STXBP5L: variants seen among roughly 807,000 people sequenced by gnomAD.
STXBP5L encodes the protein syntaxin-binding protein 5-like.
In STXBP5L, 65 loss-of-function variants were observed where a neutral mutation model predicts 144.5. The observed-to-expected ratio is 0.45, with a 90% CI of 0.37 to 0.55. The LOEUF (loss-of-function observed/expected upper bound fraction) is 0.55, where lower values mean the gene tolerates loss of function less well. STXBP5L is among the 20% of genes least tolerant of loss of function. STXBP5L has a pLI of 0.00. For missense variants in STXBP5L, 1,298 were observed against 1,405.5 expected, an observed-to-expected ratio of 0.92 and a Z score of 1.22; for synonymous variants, 505 against 469.6, an observed-to-expected ratio of 1.08 and a Z score of -0.97.
At chr3:121,388,502 C>T (rs1413040104) in intron 22 of STXBP5L, among the ~76,000 whole-genome samples, 1 of 152,080 alleles carries the variant, frequency 6.6e-6, no homozygotes, top group East Asian at 1.9e-4. Context: ...CAGTTTTTGC[C>T]CAGTCAGCAT....
rs546940080 is a variant in STXBP5L, at chr3:121,004,030, C to T, written c.288-37670C>T. On this transcript the variant is annotated intron_variant, in intron 3 of 26. Coordinates refer to ENST00000471454, the MANE Select transcript of STXBP5L (RefSeq NM_001308330.2). Reference sequence around the variant, plus strand: ...TTGGCTTAGGATTGACTTGGCAATGCAGGCTCTTTTTTGGTTCCATATGAA... The same window carrying T: ...TTGGCTTAGGATTGACTTGGCAATGTAGGCTCTTTTTTGGTTCCATATGAA... 2.8e-4 allele frequency among the ~76,000 whole-genome samples: 42 copies of T among 152,106 alleles called. No individual in the cohort carries two copies. The East Asian group carries it at 6.8e-3, about 25-fold the overall frequency.
At chr3:121,412,386 C>A (rs1002508365) in intron 23 of STXBP5L, among the ~76,000 whole-genome samples, 1 of 152,168 alleles carries the variant, frequency 6.6e-6, no homozygotes, top group East Asian at 1.9e-4. Flanking sequence ...AATAATTGAC[C>A]TCTAGGCACC....
At chr3:121,262,033 CAGA>C (rs1269238912) in intron 18 of STXBP5L, among the ~76,000 whole-genome samples, 1 of 152,154 alleles carries the variant, frequency 6.6e-6, no homozygotes, top group Non-Finnish European at 1.5e-5. Context: ...TTGCGCTTGG[CAGA>C]AGGAGTGAAC....
At chr3:121,282,195 C>T in intron 19 of STXBP5L, 3 of 1,454,218 alleles carry the variant, frequency 2.1e-6, no homozygotes, top group Non-Finnish European at 2.9e-6. Flanking sequence ...ATATCACTTC[C>T]TTTCACTTTA....
intron 5 of STXBP5L, among the ~76,000 whole-genome samples, chr3:121,060,073 G>A (rs1224835087): frequency 6.6e-6 from 1 of 152,130 alleles, no homozygotes; most frequent in Admixed American, 6.6e-5. Flanking sequence ...AATGCTTCCA[G>A]TTTTTGCCCA....
intron 3 of STXBP5L, among the ~76,000 whole-genome samples, chr3:120,984,983 A>G (rs1047813927): frequency 6.6e-6 from 1 of 152,018 alleles, no homozygotes; most frequent in African/African-American, 2.4e-5. Flanking sequence ...CATATGTTGA[A>G]CAATTCTTGC....
chr3:121,183,338 A>G (rs1261473034), intron 9 of STXBP5L, among the ~76,000 whole-genome samples: 1 of 152,192 alleles, frequency 6.6e-6, no homozygotes, highest in Non-Finnish European at 1.5e-5. Context: ...AAATTGGAAA[A>G]GAGGAACTCA....
chr3:121,121,783 T>A, intron 7 of STXBP5L, 79 bp downstream of exon 7: 1 of 993,636 alleles, frequency 1.0e-6, no homozygotes, highest in Non-Finnish European at 1.5e-6. Flanking sequence ...TTATTTTATA[T>A]CTAGTATCTA....
intron 3 of STXBP5L, among the ~76,000 whole-genome samples, chr3:120,966,740 G>A (rs1214370837): frequency 6.6e-6 from 1 of 152,134 alleles, no homozygotes; most frequent in African/African-American, 2.4e-5. Context: ...GTTCCACTTA[G>A]GCTACAAGGG....
At chr3:121,218,294 A>G (rs919883669) in intron 10 of STXBP5L, among the ~76,000 whole-genome samples, 2 of 143,396 alleles carry the variant, frequency 1.4e-5, no homozygotes, top group Admixed American at 1.5e-4. Context: ...TACTATACAT[A>G]GTATAATATA....
intron 3 of STXBP5L, among the ~76,000 whole-genome samples, chr3:121,013,441 A>G (rs1944924269): frequency 6.6e-6 from 1 of 151,952 alleles, no homozygotes; most frequent in African/African-American, 2.4e-5. Context: ...CTTTCTGATG[A>G]TTAGTGATGT....
intron 16 of STXBP5L, among the ~76,000 whole-genome samples, chr3:121,255,541 T>C (rs941283777): frequency 1.3e-5 from 2 of 151,950 alleles, no homozygotes; most frequent in African/African-American, 4.8e-5. Context: ...AATGTATAGG[T>C]TTTATACATA....
intron 2 of STXBP5L, among the ~76,000 whole-genome samples, chr3:120,928,106 A>T (rs544326337): frequency 1.8e-4 from 27 of 152,316 alleles, no homozygotes; most frequent in Non-Finnish European, 3.4e-4. Flanking sequence ...TCAGATTTTA[A>T]GTACTCATTT....
At chr3:121,027,929 T>A (rs1309797085) in intron 3 of STXBP5L, among the ~76,000 whole-genome samples, 1 of 152,106 alleles carries the variant, frequency 6.6e-6, no homozygotes, top group Non-Finnish European at 1.5e-5. Flanking sequence ...TTAGTTTGAT[T>A]TTTTCTACTT....
chr3:121,307,968 C>A (rs2043395705), intron 19 of STXBP5L, among the ~76,000 whole-genome samples: 1 of 152,102 alleles, frequency 6.6e-6, no homozygotes, highest in South Asian at 2.1e-4. Flanking sequence ...ATACATGGAA[C>A]TCTTACAAGA....
intron 3 of STXBP5L, among the ~76,000 whole-genome samples, chr3:120,988,314 T>G (rs1408753448): frequency 6.6e-6 from 1 of 151,834 alleles, no homozygotes; most frequent in Non-Finnish European, 1.5e-5. Flanking sequence ...TTTCATTTAG[T>G]TATATTTATT....
chr3:121,041,823 AC>A, intron 4 of STXBP5L, 42 bp downstream of exon 4: 1 of 1,271,496 alleles, frequency 7.9e-7, no homozygotes, highest in Non-Finnish European at 1.1e-6. Context: ...ACACTCCCCC[AC>A]TACACAGTGA....
Position 121,407,741 on chromosome 3 carries a change from A to G in STXBP5L, c.2948+138A>G, listed in dbSNP as rs77595195. On this transcript the variant is annotated intron_variant, in intron 23 of 26. Coordinates refer to ENST00000471454, the MANE Select transcript of STXBP5L (RefSeq NM_001308330.2). ...GTTTCATTATGTTTCTGGATGTTTT[A>G]TTGTTCAACGATTTGATGAGAGTTT... 6.6e-4 allele frequency: 819 copies of G among 1,239,630 alleles called. 12 individuals carry two copies. The African/African-American group carries it at 0.011, about 17-fold the overall frequency. 76.8% of individuals were successfully genotyped at this position (1,239,630 alleles called of 1,614,324 possible).
intron 16 of STXBP5L, among the ~76,000 whole-genome samples, chr3:121,255,671 A>G (rs1054409413): frequency 6.6e-6 from 1 of 151,998 alleles, no homozygotes; most frequent in South Asian, 2.1e-4. Flanking sequence ...ATAAATAATT[A>G]TTTCTCAGCT....
Sources: allele counts gnomAD v4.1 joint callset (sites outside exome capture counted in the v4.1 genomes callset), GRCh38; gene constraint gnomAD v4.1.1; transcripts MANE v1.5; gene names NCBI Gene and HGNC (gene_info 2026-07-23, HGNC 2026-07-21).